NHS: variants seen among roughly 807,000 people sequenced by gnomAD.
The protein encoded by NHS is actin remodeling regulator NHS.
A neutral mutation model predicts 72.5 loss-of-function variants in NHS; 5 were observed. That is an observed-to-expected ratio of 0.07 (90% CI 0.04 to 0.14). The LOEUF (loss-of-function observed/expected upper bound fraction) is 0.14. NHS is among the 10% of genes least tolerant of loss of function. The pLI, the probability that NHS is intolerant of heterozygous loss-of-function variation, is 1.00. For synonymous variants in NHS, 464 were observed against 547.7 expected, an observed-to-expected ratio of 0.85 and a Z score of 2.13; for missense variants, 1,072 against 1,355.7, an observed-to-expected ratio of 0.79 and a Z score of 3.29.
At chrX:17,712,798 G>A (rs1486811383) in intron 3 of NHS, among the ~76,000 whole-genome samples, 1 of 110,989 alleles carries the variant, frequency 9.0e-6, no homozygotes, top group Non-Finnish European at 1.9e-5. Flanking sequence ...GTTAAGGATG[G>A]CATGCCAGGT....
chrX:17,514,540 G>A (rs2065108870), intron 1 of NHS, among the ~76,000 whole-genome samples: 1 of 112,167 alleles, frequency 8.9e-6, no homozygotes, highest in Non-Finnish European at 1.9e-5. Context: ...TACTTTTGAG[G>A]TTTTGGGACT....
chrX:17,730,023 CCTT>C (rs1264712249), intron 8 of NHS, among the ~76,000 whole-genome samples: 1 of 112,270 alleles, frequency 8.9e-6, no homozygotes, highest in Non-Finnish European at 1.9e-5. Context: ...ATCAGAAACA[CCTT>C]CTATGTATAC....
intron 1 of NHS, among the ~76,000 whole-genome samples, chrX:17,390,091 T>C (rs920170472): frequency 2.0e-4 from 23 of 112,314 alleles, no homozygotes; most frequent in African/African-American, 6.8e-4. Context: ...GATTTATGAC[T>C]GTCCTATCTA....
intron 1 of NHS, among the ~76,000 whole-genome samples, chrX:17,510,590 C>T (rs1217599179): frequency 3.6e-5 from 4 of 112,254 alleles, no homozygotes; most frequent in Admixed American, 9.4e-5. Flanking sequence ...TGAGCTGGTA[C>T]TTAAGTAGTG....
intron 1 of NHS, among the ~76,000 whole-genome samples, chrX:17,652,380 TG>T (rs1481228484): frequency 1.8e-5 from 2 of 112,607 alleles, no homozygotes; most frequent in African/African-American, 6.5e-5. Context: ...ATATGTGGCT[TG>T]TATACACAAC....
chrX:17,688,081 A>C (rs1445530853), intron 2 of NHS, among the ~76,000 whole-genome samples, 187 bp downstream of exon 2: 1 of 112,378 alleles, frequency 8.9e-6, no homozygotes, highest in South Asian at 3.7e-4. Flanking sequence ...AGAAAAAATA[A>C]TATTATGGTC....
chrX:17,421,907 T>A (rs1043049090), intron 1 of NHS, among the ~76,000 whole-genome samples: 9 of 109,799 alleles, frequency 8.2e-5, no homozygotes, highest in African/African-American at 3.0e-4. Context: ...AATGTTTTCC[T>A]TTTCAAAAAA....
chrX:17,422,151 A>G (rs1303748197), intron 1 of NHS, among the ~76,000 whole-genome samples: 1 of 112,120 alleles, frequency 8.9e-6, no homozygotes, highest in Non-Finnish European at 1.9e-5. Flanking sequence ...TTGTTTTTGA[A>G]CTTCATATAA....
chrX:17,634,933 G>A lies in NHS; in HGVS notation c.566-52809G>A, dbSNP rs1316120645. The stretch of plus-strand genomic sequence containing the variant: ...GTGAGAAGAATGGGTGGCAACCTGG[G>A]GCAGCTATGGAGTGATGGGATGAAA... On this transcript the variant is annotated intron_variant, in intron 1 of 8. Transcript: ENST00000676302. Among the ~76,000 whole-genome samples, 3 of 111,625 alleles carry A rather than the reference G, an allele frequency of 2.7e-5. No homozygotes were observed. The Admixed American group carries it at 2.8e-4, about 11-fold the overall frequency.
chrX:17,596,182 T>C (rs1044039748), intron 1 of NHS, among the ~76,000 whole-genome samples: 10 of 112,705 alleles, frequency 8.9e-5, no homozygotes, highest in South Asian at 3.6e-4. Context: ...CAAAACTGCC[T>C]GTATCTTGTC....
chrX:17,380,081 A>G (rs2064368768), intron 1 of NHS, among the ~76,000 whole-genome samples: 1 of 111,694 alleles, frequency 9.0e-6, no homozygotes, highest in Non-Finnish European at 1.9e-5. Flanking sequence ...CAACTTTGAA[A>G]GCTTCACAGG....
chrX:17,726,975 A>G lies in NHS; in HGVS notation c.2869A>G (p.Asn957Asp). 1.7e-6 allele frequency: 2 copies of G among 1,212,018 alleles called. No homozygotes were observed. The highest frequency in any genetic ancestry group is 2.2e-6 in the Non-Finnish European group (2 of 895,608). ...CTGGCTCCTAAATGACTTGAAAACA[A>G]ATGATCCTTATAGATCTCTATCTAA... ...DLWLLNDLKT[N>D]DPYRSLSNSS... Residue 957 changes from asparagine to aspartate, a missense_variant, in exon 7 of 9, where the codon AAT (asparagine) becomes GAT (aspartate). By Grantham distance (23) the Asn-to-Asp change is conservative. Transcript: ENST00000676302.
At chrX:17,438,517 C>T (rs898070095) in intron 1 of NHS, among the ~76,000 whole-genome samples, 6 of 111,513 alleles carry the variant, frequency 5.4e-5, no homozygotes, top group Non-Finnish European at 1.1e-4. Flanking sequence ...GAGTGGTTCT[C>T]GGCCCAGCAT....
At chrX:17,550,612 A>C (rs1304767126) in intron 1 of NHS, among the ~76,000 whole-genome samples, 1 of 111,420 alleles carries the variant, frequency 9.0e-6, no homozygotes, top group Non-Finnish European at 1.9e-5. Context: ...AGGTACCCTG[A>C]ATGTCTGGAG....
chrX:17,688,671 G>A (rs2066178361), intron 2 of NHS, among the ~76,000 whole-genome samples: 1 of 111,832 alleles, frequency 8.9e-6, no homozygotes, highest in Admixed American at 9.5e-5. Flanking sequence ...CCCAACCTAA[G>A]CCTCTGAAAT....
chrX:17,523,416 AC>A (rs2065159168), intron 1 of NHS, among the ~76,000 whole-genome samples: 1 of 111,277 alleles, frequency 9.0e-6, no homozygotes, highest in Admixed American at 9.5e-5. Context: ...TCCAGGGCCC[AC>A]CCCCCAGGCC....
At chrX:17,556,031 G>A (rs770053067) in intron 1 of NHS, among the ~76,000 whole-genome samples, 1 of 112,788 alleles carries the variant, frequency 8.9e-6, no homozygotes, top group South Asian at 3.7e-4. Flanking sequence ...GAGCAGACGG[G>A]TTTGGATAAA....
intron 1 of NHS, among the ~76,000 whole-genome samples, chrX:17,566,566 T>C (rs1285225345): frequency 9.0e-6 from 1 of 111,555 alleles, no homozygotes; most frequent in Non-Finnish European, 1.9e-5. Context: ...AATGAACGAA[T>C]GAGTAAATGA....
chrX:17,555,083 T>G (rs1464637306), intron 1 of NHS, among the ~76,000 whole-genome samples: 1 of 110,556 alleles, frequency 9.0e-6, no homozygotes, highest in African/African-American at 3.3e-5. Flanking sequence ...AGCTGTTTTC[T>G]AAGGGACAGT....
Sources: gnomAD v4.1 joint callset for allele counts (sites outside exome capture counted in the v4.1 genomes callset) on GRCh38, gnomAD v4.1.1 for gene constraint, MANE v1.5 for transcripts, NCBI Gene and HGNC (gene_info 2026-07-23, HGNC 2026-07-21) for gene names.